The following GALNT9 variants were observed in gnomAD, a reference collection of about 807,000 sequenced individuals.
GALNT9 encodes GalNAc transferase 9.
Under a neutral mutation model 63.1 loss-of-function variants are expected in GALNT9, and 47 were observed. The observed-to-expected ratio is 0.75, with a 90% CI of 0.59 to 0.95. GALNT9 has a LOEUF of 0.95. Among genes scored for constraint, GALNT9 ranks in the 40% least tolerant of loss-of-function variants. The pLI, the probability that GALNT9 is intolerant of heterozygous loss-of-function variation, is 0.00. For missense variants in GALNT9, 829 were observed against 874.8 expected (o/e 0.95, Z 0.66); for synonymous variants, 396 against 365.7 (o/e 1.08, Z -0.94).
chr12:132,237,296 A>G (rs2136895327), intron 6 of GALNT9, among the ~76,000 whole-genome samples: 7 of 151,300 alleles, frequency 4.6e-5, no homozygotes, highest in Non-Finnish European at 7.4e-5. Context: ...GCTCACACCC[A>G]TCCACACCAG....
At chr12:132,259,669 A>G (rs923203610) in intron 4 of GALNT9, among the ~76,000 whole-genome samples, 1 of 152,166 alleles carries the variant, frequency 6.6e-6, no homozygotes, top group Non-Finnish European at 1.5e-5. Flanking sequence ...CCAAAACGCC[A>G]GGTTCCCCGG....
chr12:132,311,811 C>T (rs782765952), intron 1 of GALNT9, among the ~76,000 whole-genome samples: 3 of 152,180 alleles, frequency 2.0e-5, no homozygotes, highest in Non-Finnish European at 4.4e-5. Context: ...CTTGGCTGTC[C>T]ACTTCAGGGA....
At chr12:132,323,225 C>G (rs1555246274) in intron 1 of GALNT9, among the ~76,000 whole-genome samples, 1 of 152,224 alleles carries the variant, frequency 6.6e-6, no homozygotes, top group African/African-American at 2.4e-5. Flanking sequence ...TTCCAAGACT[C>G]TGAAATATGC....
At chr12:132,309,459 T>C (rs1456159756) in intron 1 of GALNT9, among the ~76,000 whole-genome samples, 8 of 152,206 alleles carry the variant, frequency 5.3e-5, no homozygotes, top group African/African-American at 1.9e-4. Context: ...GAGTAAGGTC[T>C]TTCCAGGTAT....
At chr12:132,272,516 A>T (rs1448840912) in intron 2 of GALNT9, among the ~76,000 whole-genome samples, 1 of 152,214 alleles carries the variant, frequency 6.6e-6, no homozygotes, top group Non-Finnish European at 1.5e-5. Context: ...TGTTTTCCGC[A>T]GGAGAATGCT....
chr12:132,295,528 T>C (rs1239063463), intron 1 of GALNT9, among the ~76,000 whole-genome samples: 3 of 152,156 alleles, frequency 2.0e-5, no homozygotes, highest in Admixed American at 2.0e-4. Context: ...GGTATGTCCT[T>C]CTTAGAAGAT....
At chr12:132,200,103 A>G (rs1046644847) in intron 8 of GALNT9, among the ~76,000 whole-genome samples, 3 of 152,050 alleles carry the variant, frequency 2.0e-5, no homozygotes, top group African/African-American at 7.2e-5. Context: ...CCCGATGCAC[A>G]CTCAGCACTG....
At chr12:132,219,063 G>C (rs901174739) in intron 6 of GALNT9, among the ~76,000 whole-genome samples, 1 of 152,068 alleles carries the variant, frequency 6.6e-6, no homozygotes, top group African/African-American at 2.4e-5. Flanking sequence ...CGTTCGAGGA[G>C]AGCAGAGCCA....
At chr12:132,240,614 G>A (rs2136898867) in intron 6 of GALNT9, 6 of 455,310 alleles carry the variant, frequency 1.3e-5, no homozygotes, top group Non-Finnish European at 2.2e-5. Flanking sequence ...GTGGCCCCGG[G>A]GCTCGGCTGT....
intron 6 of GALNT9, among the ~76,000 whole-genome samples, chr12:132,209,866 C>T (rs1876879567): frequency 6.6e-6 from 1 of 152,216 alleles, no homozygotes. Context: ...AGTAAATAAT[C>T]AACCAGCAGC....
chr12:132,210,031 C>G (rs1306592121), intron 6 of GALNT9, among the ~76,000 whole-genome samples: 1 of 152,202 alleles, frequency 6.6e-6, no homozygotes, highest in Non-Finnish European at 1.5e-5. Context: ...TGGATGGGGA[C>G]CCCTTTCTGG....
chr12:132,306,082 G>A (rs1409394303), intron 1 of GALNT9, among the ~76,000 whole-genome samples: 1 of 152,234 alleles, frequency 6.6e-6, no homozygotes, highest in Non-Finnish European at 1.5e-5. Flanking sequence ...CCTCACCTGG[G>A]AGCCTGTGGG....
At chr12:132,256,225 C>T (rs561020014) in intron 5 of GALNT9, among the ~76,000 whole-genome samples, 9 of 152,164 alleles carry the variant, frequency 5.9e-5, no homozygotes, top group South Asian at 4.2e-4. Context: ...CTGTGAGCCC[C>T]GACCCTCAGC....
intron 1 of GALNT9, among the ~76,000 whole-genome samples, chr12:132,304,622 G>C (rs1219071404): frequency 0.015 from 117 of 7,910 alleles, 3 homozygotes; most frequent in Middle Eastern, 0.083. Flanking sequence ...CCCGGGCACA[G>C]CCTCACCGGG....
Position 132,261,016 on chromosome 12 carries a change from C to T in GALNT9, c.693G>A (p.Gln231=), listed in dbSNP as rs782661489. ...RREGLIRARL[Q]GWKAATAPVV... Reference sequence around the variant, plus strand: ...CTGGGGCGGTGGCCGCCTTCCAGCCCTGCAGCCGCGCGCGGATCAGTCCTT... The same window carrying T: ...CTGGGGCGGTGGCCGCCTTCCAGCCTTGCAGCCGCGCGCGGATCAGTCCTT... The change falls in exon 4 of 11, where the codon CAG becomes CAA. Residue 231 remains glutamine, a synonymous_variant. Transcript: ENST00000328957. 1 of 1,550,570 alleles carries T rather than the reference C, an allele frequency of 6.4e-7. No individual in the cohort carries two copies. Among genetic ancestry groups the T allele is most frequent in the Non-Finnish European group, 8.7e-7 (1 of 1,146,760 alleles).
chr12:132,302,380 T>C (rs1417297573), intron 1 of GALNT9, among the ~76,000 whole-genome samples: 3 of 152,234 alleles, frequency 2.0e-5, no homozygotes, highest in Non-Finnish European at 4.4e-5. Flanking sequence ...ATGTATCTGG[T>C]GTCTGCCGCC....
rs1555236476 is a variant in GALNT9 at position 132,238,017 on chromosome 12, G to C, written c.1077+9893C>G. Among the ~76,000 whole-genome samples, 1 of 152,206 alleles carries C rather than the reference G, an allele frequency of 6.6e-6. No homozygotes were observed. The highest frequency in any genetic ancestry group is 1.5e-5 in the Non-Finnish European group (1 of 68,034). On this transcript the variant is annotated intron_variant, in intron 6 of 10. Coordinates refer to ENST00000328957, the MANE Select transcript of GALNT9 (RefSeq NM_001122636.2). This position sits in a 1 kb window ranked among gnomAD's most constrained non-coding sequence, Gnocchi z 6.5. ...AAACATCTGTGACCCCAGCAGACGGGGAGCCAGGCAAGGACTCTGCAGTGG... is the reference window on the plus strand; with the variant it reads ...AAACATCTGTGACCCCAGCAGACGGCGAGCCAGGCAAGGACTCTGCAGTGG...
intron 6 of GALNT9, among the ~76,000 whole-genome samples, chr12:132,213,998 C>A (rs574542569): frequency 6.6e-6 from 1 of 152,322 alleles, no homozygotes; most frequent in South Asian, 2.1e-4. Context: ...GACTCCGAGT[C>A]CTCAACCACC....
rs1877584023 is a variant in GALNT9 at position 132,224,790 on chromosome 12, TCATACACACACCCCACACACATACACAC to T, written c.1078-21128_1078-21101del. Among the ~76,000 whole-genome samples, 44 of 76,208 alleles carry T rather than the reference TCATACACACACCCCACACACATACACAC, an allele frequency of 5.8e-4. 1 individual carries two copies. The South Asian group carries it at 0.022, about 38-fold the overall frequency. 50.0% of individuals were successfully genotyped at this position (76,208 alleles called of 152,430 possible). ...TGTACACACCCCACACACATACATC[TCATACACACACCCCACACACATACACAC>T]CCTCCCACATACACACCACACAACC... On this transcript the variant is annotated intron_variant, in intron 6 of 10. Coordinates refer to ENST00000328957, the MANE Select transcript of GALNT9 (RefSeq NM_001122636.2).
Sources: allele counts gnomAD v4.1 joint callset (sites outside exome capture counted in the v4.1 genomes callset), GRCh38; gene constraint gnomAD v4.1.1; non-coding constraint Gnocchi (gnomAD v3.1); transcripts MANE v1.5; gene names NCBI Gene and HGNC (gene_info 2026-07-23, HGNC 2026-07-21).